Variants in TINF2 observed in about 807,000 individuals in gnomAD.
The protein encoded by TINF2 is TERF1 interacting nuclear factor 2.
Under a neutral mutation model 50.4 loss-of-function variants are expected in TINF2, and 27 were observed. That is an observed-to-expected ratio of 0.54 (90% CI 0.40 to 0.74). The LOEUF is 0.74. Among genes scored for constraint, TINF2 ranks in the 30% least tolerant of loss-of-function variants. TINF2 has a pLI of 0.00. For synonymous variants in TINF2, 223 were observed against 214.6 expected (o/e 1.04, Z -0.34); for missense variants, 496 against 551.5 (o/e 0.90, Z 1.01).
At position 24,241,613 on chromosome 14, in the gene TINF2, C is replaced by CAA. The variant is rs5807249; in HGVS notation, c.399+60_399+61dup. ...GCCTGGGCGACAGAGCAAGATTCCT[C>CAA]AAAAAAAAAAAAAAATGGGTTAGAG... is the stretch of plus-strand genomic sequence containing the variant. On this transcript the variant is annotated intron_variant, in intron 3 of 8. Coordinates refer to ENST00000267415, the MANE Select transcript of TINF2 (RefSeq NM_001099274.3). The CAA allele has an allele frequency of 6.6e-3, 8,484 of 1,283,452 alleles. 2 individuals are homozygous for CAA. Among genetic ancestry groups the CAA allele is most frequent in the East Asian group, 8.2e-3 (315 of 38,362 alleles). The allele number at this position is 1,283,452 out of a possible 1,614,324, so 79.5% of individuals were successfully genotyped here. A position where few individuals can be genotyped will look rare whatever the true frequency, so the allele number is the denominator to read the frequency against.
Position 24,240,315 on chromosome 14 carries a change from G to A in TINF2, c.1077C>T (p.Cys359=). The A allele has an allele frequency of 6.2e-7, 1 of 1,613,970 alleles. No individual in the cohort carries two copies. Among genetic ancestry groups the A allele is most frequent in the Non-Finnish European group, 8.5e-7 (1 of 1,179,986 alleles). ...ATEQKENCLD[C]YMDPLRLSLL... Reference sequence around the variant, plus strand: ...ATGATAGTCTCAGGGGGTCCATGTAGCAATCCAAGCAATTCCTGAGGTGAG... The same window carrying A: ...ATGATAGTCTCAGGGGGTCCATGTAACAATCCAAGCAATTCCTGAGGTGAG... Residue 359 remains cysteine, a synonymous_variant, in exon 7 of 9, where the codon TGC becomes TGT. Coordinates refer to ENST00000267415, the MANE Select transcript of TINF2 (RefSeq NM_001099274.3).
At position 24,240,343 on chromosome 14, in the gene TINF2, C is replaced by T. The variant is rs2138996794; in HGVS notation, c.1062-13G>A. On this transcript the variant is annotated splice_polypyrimidine_tract_variant and intron_variant, in intron 6 of 8. Coordinates refer to ENST00000267415, the MANE Select transcript of TINF2 (RefSeq NM_001099274.3). ...ATCCAAGCAATTCCTGAGGTGAGAG[C>T]AAGCAAAGAGGATAGGATGAAGGGA... 1 of 1,613,982 alleles carries T rather than the reference C, an allele frequency of 6.2e-7. No homozygotes were observed.
rs1486491948 is a variant in TINF2, at chr14:24,242,207, G to A, written c.126C>T (p.Arg42=). 4 of 1,614,250 alleles carry A rather than the reference G, an allele frequency of 2.5e-6. No individual in the cohort carries two copies. Among genetic ancestry groups the A allele is most frequent in the Non-Finnish European group, 3.4e-6 (4 of 1,180,040 alleles). ...AGCGAACCAAGCCAGGGGCAACAGC[G>A]CGCAGAGATCGCAGAAACTCCAGTA... The part of the protein sequence containing the change: ...PRVLEFLRSL[R]AVAPGLVRYR... Residue 42 remains arginine, a synonymous_variant, in exon 1 of 9, where the codon CGC becomes CGT. Transcript: ENST00000267415.
Position 24,240,316 on chromosome 14 carries a change from CA to C in TINF2, c.1075del (p.Cys359AlafsTer6), listed in dbSNP as rs762161476. 6.2e-7 allele frequency: 1 copy of C among 1,613,956 alleles called. No homozygotes were observed. The highest frequency in any genetic ancestry group is 8.5e-7 in the Non-Finnish European group (1 of 1,180,002). ...ATEQKENCLD[C>X]YMDPLRLSLL... ...TGATAGTCTCAGGGGGTCCATGTAGCAATCCAAGCAATTCCTGAGGTGAGAG... is the reference window on the plus strand; with the variant it reads ...TGATAGTCTCAGGGGGTCCATGTAGCATCCAAGCAATTCCTGAGGTGAGAG... On this transcript the variant is annotated frameshift_variant, in exon 7 of 9. Transcript: ENST00000267415. LOFTEE classifies it high-confidence loss of function.
rs1040503982 is a variant in TINF2, at chr14:24,240,405, T to C, written c.1061+14A>G. The stretch of plus-strand genomic sequence containing the variant: ...GAATGTGCTCCTAGTAAGAAGCAAC[T>C]CTGTTCCACTCACTCCTTTTGCTCT... On this transcript the variant is annotated intron_variant, in intron 6 of 8. Coordinates refer to ENST00000267415, the MANE Select transcript of TINF2 (RefSeq NM_001099274.3). The C allele has an allele frequency of 6.2e-7, 1 of 1,614,158 alleles. No individual in the cohort carries two copies.
In TINF2 at chr14:24,240,884, G is replaced by A; in HGVS notation, c.605-9C>T. ...GTCAGTAACAGAGCACTCTGAAAAA[G>A]AAAATGAGGCCCCTTATAAAGAGAA... On this transcript the variant is annotated splice_polypyrimidine_tract_variant and intron_variant, in intron 5 of 8. Transcript: ENST00000267415. 6.2e-7 allele frequency: 1 copy of A among 1,614,082 alleles called. No homozygotes were observed.
In TINF2 at chr14:24,240,099, A is replaced by T; in HGVS notation, c.1186T>A (p.Ser396Thr). Reference protein sequence around the residue: ...VITIGDLVLDSDEEENGQGEG... With the variant: ...VITIGDLVLDTDEEENGQGEG... Reference sequence around the variant, plus strand: ...CCCTGGCCATTTTCTTCCTCATCAGAGTCTAAAACCAAGTCCCCTATGGTA... The same window carrying T: ...CCCTGGCCATTTTCTTCCTCATCAGTGTCTAAAACCAAGTCCCCTATGGTA... The change falls in exon 8 of 9, where the codon TCT becomes ACT. Residue 396 changes from serine (S) to threonine (T), a missense_variant. Physicochemically the swap from Ser to Thr is moderately conservative, Grantham distance 58. Transcript: ENST00000267415. The T allele has an allele frequency of 1.2e-6, 2 of 1,613,858 alleles. No homozygotes were observed. Among genetic ancestry groups the T allele is most frequent in the Non-Finnish European group, 8.5e-7 (1 of 1,179,982 alleles).
chr14:24,242,550 AAGCTGACCGTCTCC>A lies in TINF2; in HGVS notation c.-232_-219del. 1 of 1,409,550 alleles carries A rather than the reference AAGCTGACCGTCTCC, an allele frequency of 7.1e-7. No homozygotes were observed. The highest frequency in any genetic ancestry group is 9.2e-7 in the Non-Finnish European group (1 of 1,085,264). The allele number at this position is 1,409,550 out of a possible 1,614,324, so 87.3% of individuals were successfully genotyped here. On this transcript the variant is annotated 5_prime_UTR_variant, in exon 1 of 9. Transcript: ENST00000267415. ...TCGGGCTGGAGGAGCCTGAGTGGAG[AAGCTGACCGTCTCC>A]AGTGGCACTGGGTCGCTCAGCTTTA...
chr14:24,242,380 G>C lies in TINF2; in HGVS notation c.-48C>G, dbSNP rs2040601112. Reference sequence around the variant, plus strand: ...GCGGTCCCTCCGGGTTCCTCACCCGGATGGGTGAGGCTTTCCGATCACTCC... The same window carrying C: ...GCGGTCCCTCCGGGTTCCTCACCCGCATGGGTGAGGCTTTCCGATCACTCC... On this transcript the variant is annotated 5_prime_UTR_variant, in exon 1 of 9. It adds an upstream start codon to the 5' untranslated region. Coordinates refer to ENST00000267415, the MANE Select transcript of TINF2 (RefSeq NM_001099274.3). The C allele has an allele frequency of 6.3e-7, 1 of 1,591,618 alleles. No homozygotes were observed.
In TINF2 at chr14:24,242,207, G is replaced by T. The variant is rs1486491948; in HGVS notation, c.126C>A (p.Arg42=). 6.2e-7 allele frequency: 1 copy of T among 1,614,250 alleles called. No individual in the cohort carries two copies. The highest frequency in any genetic ancestry group is 1.1e-5 in the South Asian group (1 of 91,086). ...PRVLEFLRSL[R]AVAPGLVRYR... ...AGCGAACCAAGCCAGGGGCAACAGCGCGCAGAGATCGCAGAAACTCCAGTA... is the reference window on the plus strand; with the variant it reads ...AGCGAACCAAGCCAGGGGCAACAGCTCGCAGAGATCGCAGAAACTCCAGTA... Residue 42 remains arginine, a synonymous_variant, in exon 1 of 9, where the codon CGC becomes CGA. Coordinates refer to ENST00000267415, the MANE Select transcript of TINF2 (RefSeq NM_001099274.3).
chr14:24,242,362 C>T lies in TINF2; in HGVS notation c.-30G>A. The T allele has an allele frequency of 6.2e-7, 1 of 1,603,628 alleles. No individual in the cohort carries two copies. Among genetic ancestry groups the T allele is most frequent in the South Asian group, 1.1e-5 (1 of 90,518 alleles). On this transcript the variant is annotated 5_prime_UTR_variant, in exon 1 of 9. Transcript: ENST00000267415. ...GGCGGGCTCCGCCCGGAGGCGGTCC[C>T]TCCGGGTTCCTCACCCGGATGGGTG...
Position 24,241,687 on chromosome 14 carries a change from G to A in TINF2, c.387C>T (p.Ala129=). ...KQLSEAPVDL[A]SKLQELEQEY... The stretch of plus-strand genomic sequence containing the variant: ...AAACCAGTCTCACCTGCAGCTTCGA[G>A]GCCAAATCCACAGGAGCCTCTGACA... Residue 129 remains alanine (A), a synonymous_variant, in exon 3 of 9, where the codon GCC becomes GCT. Coordinates refer to ENST00000267415, the MANE Select transcript of TINF2 (RefSeq NM_001099274.3). The A allele has an allele frequency of 6.2e-7, 1 of 1,611,686 alleles. No individual in the cohort carries two copies. The highest frequency in any genetic ancestry group is 1.1e-5 in the South Asian group (1 of 90,574).
chr14:24,241,013 C>T lies in TINF2; in HGVS notation c.604+7G>A. ...GGCTAAACACTACACCTCCAAATTC[C>T]TAGTACCTGGAAGCAGCCACCCCAT... On this transcript the variant is annotated splice_region_variant and intron_variant, in intron 5 of 8. Coordinates refer to ENST00000267415, the MANE Select transcript of TINF2 (RefSeq NM_001099274.3). The T allele has an allele frequency of 6.2e-7, 1 of 1,614,178 alleles. No homozygotes were observed. The highest frequency in any genetic ancestry group is 8.5e-7 in the Non-Finnish European group (1 of 1,180,034).
Position 24,240,129 on chromosome 14 carries a change from C to T in TINF2, c.1156G>A (p.Val386Ile), listed in dbSNP as rs749534744. ...AAAACCAAGTCCCCTATGGTAATGA[C>T]GGAGCTGCACAGAGACGGAGGACAC... ...PVCPPSLCSS[V>I]ITIGDLVLDS... The change falls in exon 8 of 9, where the codon GTC becomes ATC. Residue 386 changes from valine to isoleucine, a missense_variant. Physicochemically the swap from Val to Ile is conservative, Grantham distance 29. This residue lies in a region of TINF2 where 179 missense variants were observed against 188.3 expected (regional missense o/e 0.95). Coordinates refer to ENST00000267415, the MANE Select transcript of TINF2 (RefSeq NM_001099274.3). 30 of 1,613,912 alleles carry T rather than the reference C, an allele frequency of 1.9e-5. 1 individual carries two copies. Among genetic ancestry groups the T allele is most frequent in the South Asian group, 9.9e-5 (9 of 91,076 alleles).
Sources: allele counts gnomAD v4.1 joint callset, GRCh38; gene constraint gnomAD v4.1.1; regional missense constraint gnomAD v4.1.1; transcripts MANE v1.5; gene names NCBI Gene and HGNC (gene_info 2026-07-23, HGNC 2026-07-21).